Variants in ACVR1C observed in about 807,000 individuals in gnomAD.
ACVR1C encodes activin A receptor type 1C, also known as activin receptor type-1C.
In ACVR1C, 23 loss-of-function variants were observed where a neutral mutation model predicts 57.9. The observed-to-expected ratio is 0.40, with a 90% CI of 0.29 to 0.56. ACVR1C has a LOEUF of 0.56. Ranked by LOEUF, ACVR1C falls within the 20% of genes least tolerant of loss-of-function variation. The pLI is 0.50. For missense variants in ACVR1C, 480 were observed against 607.9 expected, an observed-to-expected ratio of 0.79 and a Z score of 2.21; for synonymous variants, 214 against 215.3, an observed-to-expected ratio of 0.99 and a Z score of 0.05.
At chr2:157,612,475 TC>T (rs1388203582) in intron 1 of ACVR1C, among the ~76,000 whole-genome samples, 1 of 152,160 alleles carries the variant, frequency 6.6e-6, no homozygotes, top group Non-Finnish European at 1.5e-5. Flanking sequence ...GGGTTGCTAC[TC>T]CCAGTCCATC....
intron 1 of ACVR1C, among the ~76,000 whole-genome samples, chr2:157,604,858 T>C (rs981618163): frequency 5.3e-5 from 8 of 151,890 alleles, no homozygotes; most frequent in African/African-American, 1.4e-4. Context: ...CTTCTCATTC[T>C]CTTAACAGCA....
intron 2 of ACVR1C, among the ~76,000 whole-genome samples, chr2:157,577,867 GTTTTTTTGTTTT>G (rs1275267196): frequency 6.6e-6 from 1 of 151,376 alleles, no homozygotes; most frequent in Non-Finnish European, 1.5e-5. Context: ...TTTTGTTTTT[GTTTTTTTGTTTT>G]TGTTTTTGTT....
chr2:157,595,367 G>A (rs1167684345), intron 1 of ACVR1C, among the ~76,000 whole-genome samples: 1 of 152,146 alleles, frequency 6.6e-6, no homozygotes, highest in Non-Finnish European at 1.5e-5. Context: ...TCCTTAGGGA[G>A]GATACAGACT....
intron 3 of ACVR1C, among the ~76,000 whole-genome samples, chr2:157,553,479 A>T (rs191051106): frequency 6.6e-6 from 1 of 152,234 alleles, no homozygotes; most frequent in Non-Finnish European, 1.5e-5. Flanking sequence ...TTAGGTTTAA[A>T]CATGCAAAAA....
At chr2:157,597,087 A>G (rs1682143116) in intron 1 of ACVR1C, among the ~76,000 whole-genome samples, 1 of 152,108 alleles carries the variant, frequency 6.6e-6, no homozygotes, top group Admixed American at 6.5e-5. Flanking sequence ...CGTTCGGAGG[A>G]CGAGTCCCAG....
At chr2:157,594,483 G>C (rs1397129964) in intron 1 of ACVR1C, among the ~76,000 whole-genome samples, 1 of 152,108 alleles carries the variant, frequency 6.6e-6, no homozygotes, top group Non-Finnish European at 1.5e-5. Context: ...TGCTATTTCA[G>C]TGGGTGAGAG....
chr2:157,568,102 AG>A (rs1688442438), intron 2 of ACVR1C, among the ~76,000 whole-genome samples: 1 of 149,708 alleles, frequency 6.7e-6, no homozygotes, highest in Admixed American at 6.7e-5. Context: ...TTTCATATCC[AG>A]CCAAACTAAG....
At position 157,572,895 on chromosome 2, in the gene ACVR1C, T is replaced by C. The variant is rs989909435; in HGVS notation, c.304+14292A>G. On this transcript the variant is annotated intron_variant, in intron 2 of 8. Coordinates refer to ENST00000243349, the MANE Select transcript of ACVR1C (RefSeq NM_145259.3). ...GAGAGTGAGCTATAAATGGATTTGT[T>C]CGTGTGATGGCAGAACAATTCCACA... Among the ~76,000 whole-genome samples the C allele has an allele frequency of 3.9e-5, 6 of 152,236 alleles. No homozygotes were observed. The East Asian group carries it at 1.2e-3, about 29-fold the overall frequency.
intron 2 of ACVR1C, among the ~76,000 whole-genome samples, chr2:157,581,919 G>A (rs1224511724): frequency 2.0e-5 from 3 of 152,192 alleles, no homozygotes; most frequent in Non-Finnish European, 4.4e-5. Context: ...GGCAGAGGGG[G>A]AGATGTCAAT....
At chr2:157,627,093 ATC>A (rs1011609069) in intron 1 of ACVR1C, among the ~76,000 whole-genome samples, 5 of 152,206 alleles carry the variant, frequency 3.3e-5, no homozygotes, top group African/African-American at 9.6e-5. Flanking sequence ...AAAAAATTGA[ATC>A]TGTTTTGTAG....
At position 157,527,291 on chromosome 2, in the gene ACVR1C, A is replaced by G. The variant is rs1399116244; in HGVS notation, c.*6627T>C. ...ATTTTTTCATATTCCTTCCTTATAT[A>G]CATTCCTTTGGGCCTGTCGGCTGAA... On this transcript the variant is annotated 3_prime_UTR_variant, in exon 9 of 9. Transcript: ENST00000243349. The G allele has an allele frequency of 6.6e-6, 1 of 152,204 alleles. No individual in the cohort carries two copies. The highest frequency in any genetic ancestry group is 2.4e-5 in the African/African-American group (1 of 41,450). 9.4% of individuals were successfully genotyped at this position (152,204 alleles called of 1,614,324 possible).
intron 3 of ACVR1C, among the ~76,000 whole-genome samples, chr2:157,551,307 T>C (rs1056917577): frequency 1.3e-5 from 2 of 152,200 alleles, no homozygotes. Flanking sequence ...TGAGAATTAA[T>C]AAGCATGTTC....
intron 2 of ACVR1C, among the ~76,000 whole-genome samples, chr2:157,582,130 C>T (rs1323926850): frequency 1.3e-5 from 2 of 152,102 alleles, no homozygotes; most frequent in Non-Finnish European, 2.9e-5. Flanking sequence ...TACGCCTGTG[C>T]AACATTGTAG....
Position 157,531,512 on chromosome 2 carries a change from TAA to T in ACVR1C, c.*2404_*2405del, listed in dbSNP as rs1318001632. 6.6e-6 allele frequency: 1 copy of T among 151,930 alleles called. No individual in the cohort carries two copies. The highest frequency in any genetic ancestry group is 1.5e-5 in the Non-Finnish European group (1 of 67,906). The allele number at this position is 151,930 out of a possible 1,614,324, so 9.4% of individuals were successfully genotyped here. A position where few individuals can be genotyped will look rare whatever the true frequency, so the allele number is the denominator to read the frequency against. On this transcript the variant is annotated 3_prime_UTR_variant, in exon 9 of 9. Coordinates refer to ENST00000243349, the MANE Select transcript of ACVR1C (RefSeq NM_145259.3). ...ATAATGACAAGAAAAATGGAGATGGTAAAAAATCCTCTCTTAAAAATTCAATA... is the reference window on the plus strand; with the variant it reads ...ATAATGACAAGAAAAATGGAGATGGTAAAATCCTCTCTTAAAAATTCAATA...
intron 2 of ACVR1C, among the ~76,000 whole-genome samples, chr2:157,577,509 A>G (rs1341424701): frequency 3.9e-5 from 6 of 152,190 alleles, no homozygotes; most frequent in Non-Finnish European, 7.4e-5. Context: ...TTAAAAAGTG[A>G]TATTTTTAAA....
At chr2:157,593,338 A>G (rs1347362771) in intron 1 of ACVR1C, among the ~76,000 whole-genome samples, 1 of 152,202 alleles carries the variant, frequency 6.6e-6, no homozygotes, top group African/African-American at 2.4e-5. Flanking sequence ...CAGTATTCTC[A>G]ATATGTTGGT....
At chr2:157,594,338 A>G (rs1329533671) in intron 1 of ACVR1C, among the ~76,000 whole-genome samples, 1 of 152,032 alleles carries the variant, frequency 6.6e-6, no homozygotes, top group African/African-American at 2.4e-5. Context: ...CTCCAGGTCT[A>G]TAGTCCTCTG....
chr2:157,583,711 A>T (rs1372090600), intron 2 of ACVR1C, among the ~76,000 whole-genome samples: 1 of 152,206 alleles, frequency 6.6e-6, no homozygotes, highest in African/African-American at 2.4e-5. Flanking sequence ...ATATACCCAC[A>T]TATATAAAGT....
intron 1 of ACVR1C, among the ~76,000 whole-genome samples, chr2:157,610,031 G>C (rs1229238905): frequency 6.6e-6 from 1 of 151,930 alleles, no homozygotes; most frequent in Non-Finnish European, 1.5e-5. Context: ...TAAATTCTTT[G>C]TTCCTTTCTT....
Sources: gnomAD v4.1 joint callset for allele counts (sites outside exome capture counted in the v4.1 genomes callset) on GRCh38, gnomAD v4.1.1 for gene constraint, MANE v1.5 for transcripts, NCBI Gene and HGNC (gene_info 2026-07-23, HGNC 2026-07-21) for gene names.